Variants in GALNTL6 observed in about 807,000 individuals in gnomAD.
The protein encoded by GALNTL6 is polypeptide N-acetylgalactosaminyltransferase-like 6.
In GALNTL6, 46 loss-of-function variants were observed where a neutral mutation model predicts 73.7. The observed-to-expected ratio is 0.62, with a 90% CI of 0.49 to 0.80. The LOEUF (loss-of-function observed/expected upper bound fraction) is 0.80. GALNTL6 is among the 30% of genes least tolerant of loss of function. The pLI is 0.00. For synonymous variants in GALNTL6, 259 were observed against 263.7 expected (o/e 0.98, Z 0.17); for missense variants, 604 against 755.0 (o/e 0.80, Z 2.34).
At chr4:172,411,483 G>A (rs1744434002) in intron 5 of GALNTL6, among the ~76,000 whole-genome samples, 1 of 152,030 alleles carries the variant, frequency 6.6e-6, no homozygotes, top group Non-Finnish European at 1.5e-5. Flanking sequence ...AATGATAATT[G>A]TGACTAAGTT....
At chr4:172,390,861 C>T (rs148849767) in intron 5 of GALNTL6, among the ~76,000 whole-genome samples, 2 of 152,134 alleles carry the variant, frequency 1.3e-5, no homozygotes, top group African/African-American at 2.4e-5. Flanking sequence ...CTCCTAGGAG[C>T]TTTGATTACA....
chr4:172,662,070 C>T (rs1253906513), intron 5 of GALNTL6, among the ~76,000 whole-genome samples: 1 of 152,146 alleles, frequency 6.6e-6, no homozygotes, highest in African/African-American at 2.4e-5. Context: ...GATCTCAGGC[C>T]CCTTTCTAGA....
At chr4:172,673,001 T>C (rs1368677509) in intron 5 of GALNTL6, among the ~76,000 whole-genome samples, 1 of 152,160 alleles carries the variant, frequency 6.6e-6, no homozygotes, top group Non-Finnish European at 1.5e-5. Context: ...TTTTGAATGG[T>C]TTTTTGTGCC....
intron 5 of GALNTL6, among the ~76,000 whole-genome samples, chr4:172,619,897 T>C (rs1738887202): frequency 6.6e-6 from 1 of 152,212 alleles, no homozygotes; most frequent in Admixed American, 6.5e-5. Context: ...AAGGCCTATG[T>C]CATTGAAGCT....
intron 2 of GALNTL6, among the ~76,000 whole-genome samples, chr4:172,132,163 C>T (rs1733515872): frequency 6.6e-6 from 1 of 151,962 alleles, no homozygotes; most frequent in Non-Finnish European, 1.5e-5. Flanking sequence ...ACAGTTTCTT[C>T]ATTAAGTTTG....
intron 2 of GALNTL6, among the ~76,000 whole-genome samples, chr4:172,217,710 A>G (rs1736540077): frequency 1.3e-5 from 2 of 152,146 alleles, no homozygotes; most frequent in Admixed American, 6.5e-5. Flanking sequence ...TGTTATAGTT[A>G]CTTTAAATTC....
intron 2 of GALNTL6, among the ~76,000 whole-genome samples, chr4:172,123,145 G>T (rs919256467): frequency 6.6e-6 from 1 of 152,150 alleles, no homozygotes; most frequent in Non-Finnish European, 1.5e-5. Flanking sequence ...TTTATTCACT[G>T]ACAGTAAGGT....
intron 7 of GALNTL6, among the ~76,000 whole-genome samples, chr4:172,833,963 C>T (rs1416186963): frequency 1.3e-5 from 2 of 151,958 alleles, no homozygotes; most frequent in East Asian, 3.9e-4. Context: ...AAAAATACAA[C>T]AAAAATAGCT....
intron 5 of GALNTL6, among the ~76,000 whole-genome samples, chr4:172,398,438 C>T (rs1360165516): frequency 6.6e-6 from 1 of 152,118 alleles, no homozygotes; most frequent in African/African-American, 2.4e-5. Context: ...TCATTCAGGG[C>T]ATCCTTGTCC....
chr4:172,201,171 G>A (rs1735938366), intron 2 of GALNTL6, among the ~76,000 whole-genome samples: 1 of 150,100 alleles, frequency 6.7e-6, no homozygotes, highest in Non-Finnish European at 1.5e-5. Context: ...GCTTTAGTTG[G>A]GAGTTGTTTT....
chr4:172,919,045 G>A (rs2111286922), intron 8 of GALNTL6, among the ~76,000 whole-genome samples: 1 of 152,288 alleles, frequency 6.6e-6, no homozygotes, highest in African/African-American at 2.4e-5. Flanking sequence ...TTATTGCAAT[G>A]CTGTTCATTT....
rs952746403 is a variant in GALNTL6, at chr4:172,118,563, G to A, written c.139-111093G>A. Among the ~76,000 whole-genome samples the A allele has an allele frequency of 2.6e-5, 4 of 152,140 alleles. No homozygotes were observed. In the East Asian group the frequency reaches 7.7e-4, roughly 29 times the overall value. On this transcript the variant is annotated intron_variant, in intron 2 of 12. Coordinates refer to ENST00000506823, the MANE Select transcript of GALNTL6 (RefSeq NM_001034845.3). ...AAAAATACAAAAATTAGTTGGGCAT[G>A]GTGGCATATGCCTGTAGTCCCAGCT... is the stretch of plus-strand genomic sequence containing the variant.
chr4:173,038,449 A>C (rs1753782079), intron 12 of GALNTL6, among the ~76,000 whole-genome samples: 1 of 152,132 alleles, frequency 6.6e-6, no homozygotes, highest in Non-Finnish European at 1.5e-5. Context: ...GAGGAGAGGG[A>C]GGAGAGAGTT....
rs534342545 is a variant in GALNTL6, at chr4:171,858,991, T to G, written c.138+44273T>G. 2.0e-5 allele frequency among the ~76,000 whole-genome samples: 3 copies of G among 152,332 alleles called. No homozygotes were observed. The South Asian group carries it at 6.2e-4, about 32-fold the overall frequency. On this transcript the variant is annotated intron_variant, in intron 2 of 12. Coordinates refer to ENST00000506823, the MANE Select transcript of GALNTL6 (RefSeq NM_001034845.3). ...ATGATATTTTGTTTATAATGTGCAA[T>G]ATACCGGCTTCTCATATGTAAGCTT...
At chr4:172,588,732 A>T (rs187318384) in intron 5 of GALNTL6, among the ~76,000 whole-genome samples, 17 of 152,276 alleles carry the variant, frequency 1.1e-4, no homozygotes, top group African/African-American at 4.1e-4. Flanking sequence ...ACAGTTTAAA[A>T]GACTGAAGTC....
chr4:172,952,311 C>A, intron 10 of GALNTL6, 53 bp downstream of exon 10: 2 of 1,317,736 alleles, frequency 1.5e-6, no homozygotes, highest in East Asian at 2.3e-5. Context: ...GTGTGCCTCC[C>A]CCATAGCCTC....
chr4:172,118,818 T>C (rs543857090), intron 2 of GALNTL6, among the ~76,000 whole-genome samples: 1 of 151,802 alleles, frequency 6.6e-6, no homozygotes, highest in South Asian at 2.1e-4. Flanking sequence ...AAATTTCTAA[T>C]AAGCAGTGAT....
At chr4:172,126,526 C>A (rs1326861247) in intron 2 of GALNTL6, among the ~76,000 whole-genome samples, 1 of 152,170 alleles carries the variant, frequency 6.6e-6, no homozygotes, top group East Asian at 1.9e-4. Flanking sequence ...GTGCAGCTTG[C>A]TCAGCAAGGA....
At chr4:172,596,684 A>G (rs1187831776) in intron 5 of GALNTL6, among the ~76,000 whole-genome samples, 2 of 152,198 alleles carry the variant, frequency 1.3e-5, no homozygotes, top group African/African-American at 2.4e-5. Context: ...ATTTCACTCT[A>G]TAAAACACTT....
Sources: gnomAD v4.1 joint callset for allele counts (sites outside exome capture counted in the v4.1 genomes callset) on GRCh38, gnomAD v4.1.1 for gene constraint, MANE v1.5 for transcripts, NCBI Gene and HGNC (gene_info 2026-07-23, HGNC 2026-07-21) for gene names.